The following TP73 variants were observed in gnomAD, a reference collection of about 807,000 sequenced individuals.
The protein encoded by TP73 is p53-like transcription factor.
TP73 carries 25 observed loss-of-function variants against 62.5 expected under a neutral mutation model. That is an observed-to-expected ratio of 0.40 (90% CI 0.29 to 0.56). TP73 has a LOEUF of 0.56. Among genes scored for constraint, TP73 ranks in the 20% least tolerant of loss-of-function variants. The probability of loss-of-function intolerance (pLI) is 0.46; values close to 1 mark genes in which losing one functional copy is unlikely to be tolerated. For missense variants in TP73, 754 were observed against 913.3 expected (o/e 0.83, Z 2.25); for synonymous variants, 423 against 377.5 (o/e 1.12, Z -1.40).
chr1:3,717,557 C>T (rs1640710751), intron 4 of TP73, among the ~76,000 whole-genome samples: 3 of 152,236 alleles, frequency 2.0e-5, no homozygotes, highest in Middle Eastern at 3.4e-3. Context: ...AGGGGGGCGG[C>T]GGAGGGGAAG....
chr1:3,682,216 C>T (rs1202999429), intron 1 of TP73, 117 bp from the exon 2 acceptor site: 5 of 697,240 alleles, frequency 7.2e-6, no homozygotes, highest in Non-Finnish European at 8.7e-6. Flanking sequence ...GGCGGGGGCA[C>T]CTGCTCCAGG....
Position 3,707,727 on chromosome 1 carries a change from C to T in TP73, c.365C>T (p.Pro122Leu). 1 of 1,613,272 alleles carries T rather than the reference C, an allele frequency of 6.2e-7. No homozygotes were observed. The highest frequency in any genetic ancestry group is 8.5e-7 in the Non-Finnish European group (1 of 1,179,940). The part of the protein sequence containing the change: ...APVIPSNTDY[P>L]GPHHFEVTFQ... Reference sequence around the variant, plus strand: ...GTCATCCCCTCCAACACCGACTACCCCGGACCCCACCACTTTGAGGTCACT... The same window carrying T: ...GTCATCCCCTCCAACACCGACTACCTCGGACCCCACCACTTTGAGGTCACT... The change falls in exon 4 of 14, where the codon CCC becomes CTC. Residue 122 changes from proline to leucine, a missense_variant. Coordinates refer to ENST00000378295, the MANE Select transcript of TP73 (RefSeq NM_005427.4).
intron 1 of TP73, among the ~76,000 whole-genome samples, chr1:3,657,218 GGGT>G (rs1644884007): frequency 6.6e-6 from 1 of 152,214 alleles, no homozygotes; most frequent in Admixed American, 6.5e-5. Context: ...GGTGTGGGCA[GGGT>G]CGGGTTCCCT....
intron 3 of TP73, among the ~76,000 whole-genome samples, chr1:3,698,554 G>C (rs1317344178): frequency 1.3e-5 from 2 of 152,218 alleles, no homozygotes; most frequent in Non-Finnish European, 2.9e-5. Context: ...GGTGGGCTTT[G>C]AGCGGGATCC....
At chr1:3,683,285 G>T (rs760860422) in intron 3 of TP73, 105 bp downstream of exon 3, 19 of 1,401,680 alleles carry the variant, frequency 1.4e-5, no homozygotes, top group Non-Finnish European at 1.8e-5. Flanking sequence ...CCTCTTGGTT[G>T]TACAGCTTCC....
chr1:3,677,417 T>C (rs1406838528), intron 1 of TP73, among the ~76,000 whole-genome samples: 10 of 152,090 alleles, frequency 6.6e-5, no homozygotes, highest in Admixed American at 6.5e-4. Context: ...CTCATGGAAG[T>C]TGGGGCAGGG....
At chr1:3,720,217 G>A (rs540640903) in intron 4 of TP73, among the ~76,000 whole-genome samples, 1 of 152,276 alleles carries the variant, frequency 6.6e-6, no homozygotes, top group African/African-American at 2.4e-5. Flanking sequence ...CCCTCAGCCC[G>A]TTTCCTGCTT....
In TP73 at chr1:3,663,499, A is replaced by G. The variant is rs112279859; in HGVS notation, c.-34+10858A>G. ...GGGAGGCTGAGTCGGGCGGATCACT[A>G]GGTCAGGAGATCGAGACTATACTGG... On this transcript the variant is annotated intron_variant, in intron 1 of 13. Transcript: ENST00000378295. This position sits in a 1 kb window ranked among gnomAD's most constrained non-coding sequence, Gnocchi z 4.7. Among the ~76,000 whole-genome samples, 1 of 152,118 alleles carries G rather than the reference A, an allele frequency of 6.6e-6. No homozygotes were observed. Among genetic ancestry groups the G allele is most frequent in the South Asian group, 2.1e-4 (1 of 4,822 alleles).
chr1:3,722,302 G>A, intron 5 of TP73, 95 bp downstream of exon 5: 1 of 1,447,910 alleles, frequency 6.9e-7, no homozygotes, highest in Non-Finnish European at 9.4e-7. Context: ...GAGTGGGGCT[G>A]ACAGCATGGG....
At position 3,733,743 on chromosome 1, in the gene TP73, C is replaced by G. The variant is rs147070318; in HGVS notation, c.*664C>G. Reference sequence around the variant, plus strand: ...TGAAATTGGAGAAAACTGGGGAGGGCGCAACCCCCCCCAGGCGCGGGGAAG... The same window carrying G: ...TGAAATTGGAGAAAACTGGGGAGGGGGCAACCCCCCCCAGGCGCGGGGAAG... On this transcript the variant is annotated 3_prime_UTR_variant, in exon 14 of 14. Coordinates refer to ENST00000378295, the MANE Select transcript of TP73 (RefSeq NM_005427.4). 6.6e-6 allele frequency: 1 copy of G among 152,312 alleles called. No individual in the cohort carries two copies. The highest frequency in any genetic ancestry group is 1.5e-5 in the Non-Finnish European group (1 of 68,170). The allele number at this position is 152,312 out of a possible 1,614,324, so 9.4% of individuals were successfully genotyped here. A position where few individuals can be genotyped will look rare whatever the true frequency, so the allele number is the denominator to read the frequency against.
intron 6 of TP73, among the ~76,000 whole-genome samples, chr1:3,724,548 C>T (rs1021472626): frequency 6.6e-6 from 1 of 152,234 alleles, no homozygotes; most frequent in Non-Finnish European, 1.5e-5. Context: ...ATGTCCCACC[C>T]TCACCTGCCT....
At chr1:3,698,154 G>A in intron 3 of TP73, 1 of 983,312 alleles carries the variant, frequency 1.0e-6, no homozygotes. Flanking sequence ...CAGGACAGGT[G>A]GATGGATGGG....
rs760120917 is a variant in TP73, at chr1:3,727,767, C to A, written c.982C>A (p.Arg328Ser). Residue 328 changes from arginine to serine, a missense_variant, in exon 8 of 14, where the codon CGT becomes AGT. Arg to Ser is a moderately radical substitution (Grantham distance 110, BLOSUM62 -1). Around this residue, in one of 3 missense-constraint regions of TP73, gnomAD observed 458 missense variants for 528.7 expected, o/e 0.87. Coordinates refer to ENST00000378295, the MANE Select transcript of TP73 (RefSeq NM_005427.4). ...SSAKNGAASK[R>S]AFKQSPPAVP... ...CGCCAAGAACGGGGCCGCCAGCAAG[C>A]GTGGTGAGCGGCCGGCCAGGGGAAC... 1.3e-6 allele frequency: 2 copies of A among 1,534,928 alleles called. No homozygotes were observed. The highest frequency in any genetic ancestry group is 2.4e-5 in the East Asian group (1 of 40,996).
At chr1:3,690,186 G>A (rs1048986033) in intron 3 of TP73, among the ~76,000 whole-genome samples, 1 of 152,180 alleles carries the variant, frequency 6.6e-6, no homozygotes, top group Non-Finnish European at 1.5e-5. Context: ...GCAGTGGAAG[G>A]CAGGCCCCAC....
chr1:3,731,215 A>G, intron 12 of TP73, 150 bp downstream of exon 12: 2 of 1,200,294 alleles, frequency 1.7e-6, no homozygotes, highest in Non-Finnish European at 2.3e-6. Flanking sequence ...TCAGGCCAGG[A>G]GCATCTGCAG....
rs1391847030 is a variant in TP73 at position 3,735,484 on chromosome 1, ATGG to A, written c.*2406_*2408del. The A allele has an allele frequency of 6.6e-6, 1 of 152,152 alleles. No individual in the cohort carries two copies. Among genetic ancestry groups the A allele is most frequent in the Non-Finnish European group, 1.5e-5 (1 of 68,036 alleles). 9.4% of individuals were successfully genotyped at this position (152,152 alleles called of 1,614,324 possible). On this transcript the variant is annotated 3_prime_UTR_variant, in exon 14 of 14. Transcript: ENST00000378295. ...GCCGGCCAGAACACGGAGCAGCCAG[ATGG>A]CCCCAGCTGCACCTGTCTAGGGAGC...
intron 3 of TP73, among the ~76,000 whole-genome samples, chr1:3,698,993 G>A (rs1166696098): frequency 6.6e-6 from 1 of 152,038 alleles, no homozygotes; most frequent in African/African-American, 2.4e-5. Flanking sequence ...ACATGGCCCT[G>A]GCACGGGATT....
At chr1:3,679,505 GTCTC>G (rs1331543515) in intron 1 of TP73, among the ~76,000 whole-genome samples, 1 of 150,000 alleles carries the variant, frequency 6.7e-6, no homozygotes, top group Admixed American at 6.6e-5. Context: ...CTCTCTCCCT[GTCTC>G]TCTGTCTCTG....
intron 4 of TP73, among the ~76,000 whole-genome samples, chr1:3,715,426 G>A (rs1640512712): frequency 6.6e-6 from 1 of 152,204 alleles, no homozygotes; most frequent in South Asian, 2.1e-4. Flanking sequence ...CCCAAGTCAA[G>A]CCCAGCAGTG....
Sources: gnomAD v4.1 joint callset for allele counts (sites outside exome capture counted in the v4.1 genomes callset) on GRCh38, gnomAD v4.1.1 for gene constraint, gnomAD v4.1.1 regional missense constraint, Gnocchi (gnomAD v3.1) non-coding constraint, MANE v1.5 for transcripts, NCBI Gene and HGNC (gene_info 2026-07-23, HGNC 2026-07-21) for gene names.